Variants in GRIA3 observed in about 807,000 individuals in gnomAD.
GRIA3 encodes the protein glutamate receptor 3.
Under a neutral mutation model 63.0 loss-of-function variants are expected in GRIA3, and 3 were observed. The observed-to-expected ratio is 0.05, with a 90% CI of 0.02 to 0.12. The LOEUF is 0.12. Among genes scored for constraint, GRIA3 ranks in the 10% least tolerant of loss-of-function variants. The pLI is 1.00. For synonymous variants in GRIA3, 274 were observed against 257.9 expected (o/e 1.06, Z -0.60); for missense variants, 347 against 700.9 (o/e 0.50, Z 5.70).
intron 12 of GRIA3, among the ~76,000 whole-genome samples, chrX:123,452,530 A>G (rs1468738395): frequency 2.7e-5 from 3 of 111,409 alleles, no homozygotes; most frequent in Non-Finnish European, 1.9e-5. Context: ...TTCAGGATAG[A>G]TTTTTCTTCT....
chrX:123,455,245 T>C (rs972907880), intron 12 of GRIA3, among the ~76,000 whole-genome samples: 7 of 111,814 alleles, frequency 6.3e-5, no homozygotes, highest in Middle Eastern at 4.6e-3. Context: ...CACAGTCTCA[T>C]GACAGCTGCT....
chrX:123,428,232 A>G, intron 12 of GRIA3, 93 bp downstream of exon 12: 3 of 603,767 alleles, frequency 5.0e-6, no homozygotes, highest in Admixed American at 4.6e-5. Flanking sequence ...GAGAGTTGGG[A>G]AAGAGTGGGA....
At chrX:123,230,267 T>C (rs2044269309) in intron 2 of GRIA3, among the ~76,000 whole-genome samples, 1 of 111,935 alleles carries the variant, frequency 8.9e-6, no homozygotes, top group Non-Finnish European at 1.9e-5. Flanking sequence ...ATCTTCTAAA[T>C]AGTACCCCAT....
At chrX:123,213,532 T>C (rs1401767595) in intron 2 of GRIA3, among the ~76,000 whole-genome samples, 1 of 111,739 alleles carries the variant, frequency 8.9e-6, no homozygotes, top group Non-Finnish European at 1.9e-5. Context: ...ATTCTACAGT[T>C]CACACTCTTT....
intron 3 of GRIA3, among the ~76,000 whole-genome samples, chrX:123,287,461 C>T (rs946337559): frequency 9.0e-6 from 1 of 110,642 alleles, no homozygotes; most frequent in African/African-American, 3.3e-5. Flanking sequence ...TATAGGAAGA[C>T]AGGAAGTCAA....
At chrX:123,305,736 A>G (rs905208801) in intron 3 of GRIA3, among the ~76,000 whole-genome samples, 5 of 112,393 alleles carry the variant, frequency 4.4e-5, no homozygotes, top group Non-Finnish European at 7.5e-5. Context: ...AGTTAAATTC[A>G]TTCCCACAGC....
intron 13 of GRIA3, among the ~76,000 whole-genome samples, chrX:123,477,137 C>G (rs1284654517): frequency 9.0e-6 from 1 of 111,539 alleles, no homozygotes; most frequent in Admixed American, 9.5e-5. Context: ...ACCCCTAGCA[C>G]AAGAATAGCC....
At chrX:123,317,166 G>C (rs1344680053) in intron 3 of GRIA3, among the ~76,000 whole-genome samples, 1 of 111,215 alleles carries the variant, frequency 9.0e-6, no homozygotes, top group Non-Finnish European at 1.9e-5. Context: ...AATAGGATGA[G>C]AAAAACCAGC....
chrX:123,272,804 A>G (rs1478421622), intron 3 of GRIA3, among the ~76,000 whole-genome samples: 2 of 111,765 alleles, frequency 1.8e-5, no homozygotes, highest in Non-Finnish European at 3.8e-5. Context: ...ATGCATATTC[A>G]TGATCTGATA....
chrX:123,463,133 G>C (rs1286613234), intron 12 of GRIA3, among the ~76,000 whole-genome samples: 1 of 111,421 alleles, frequency 9.0e-6, no homozygotes, highest in Non-Finnish European at 1.9e-5. Context: ...ACCTCAACCT[G>C]AGTTGATGGA....
chrX:123,405,611 T>C (rs2045469605), intron 10 of GRIA3, among the ~76,000 whole-genome samples: 1 of 111,790 alleles, frequency 8.9e-6, no homozygotes, highest in African/African-American at 3.2e-5. Flanking sequence ...AAAGTAAGTG[T>C]TGTTCCCTGA....
At chrX:123,189,057 G>A (rs528710267) in intron 2 of GRIA3, among the ~76,000 whole-genome samples, 1 of 111,798 alleles carries the variant, frequency 8.9e-6, no homozygotes, top group South Asian at 3.8e-4. Flanking sequence ...CATGTCCTAC[G>A]AGGCCAATAA....
At chrX:123,472,003 ATATATATATATATATATATG>A (rs1423903785) in intron 13 of GRIA3, among the ~76,000 whole-genome samples, 1 of 66,501 alleles carries the variant, frequency 1.5e-5, no homozygotes, top group Non-Finnish European at 3.0e-5. Context: ...ATATATATAT[ATATATATATATATATATATG>A]ACTATTTGTA....
intron 2 of GRIA3, among the ~76,000 whole-genome samples, chrX:123,214,457 C>A (rs1928110201): frequency 9.0e-6 from 1 of 111,564 alleles, no homozygotes; most frequent in Admixed American, 9.4e-5. Context: ...AGACTTTACC[C>A]TAAATAAGAC....
rs780069057 is a variant in GRIA3 at position 123,349,610 on chromosome X, GC to G, written c.697-5298del. On this transcript the variant is annotated intron_variant, in intron 4 of 15. Transcript: ENST00000620443. ...TTTTCCTTCTTTACAAAAAGCTTCA[GC>G]CTGTCTTTCTCCATCTGTACCACCC... Among the ~76,000 whole-genome samples the G allele has an allele frequency of 2.7e-5, 3 of 112,401 alleles. No individual in the cohort carries two copies. The East Asian group carries it at 8.4e-4, about 31-fold the overall frequency.
At chrX:123,296,557 A>AT (rs770703053) in intron 3 of GRIA3, among the ~76,000 whole-genome samples, 4 of 111,552 alleles carry the variant, frequency 3.6e-5, no homozygotes, top group African/African-American at 1.3e-4. Context: ...TCCCTCAGAA[A>AT]TTACTTTGAC....
chrX:123,424,520 A>C lies in GRIA3; in HGVS notation c.1878-3421A>C, dbSNP rs760913855. Among the ~76,000 whole-genome samples the C allele has an allele frequency of 1.5e-4, 17 of 111,792 alleles. No homozygotes were observed. In the South Asian group the frequency reaches 6.3e-3, roughly 42 times the overall value. On this transcript the variant is annotated intron_variant, in intron 11 of 15. Transcript: ENST00000620443. ...TTGAATGCAAGCTTGTGCATTCCAC[A>C]CTGATTCCACTGAAGCTCCTTTTCT...
At chrX:123,419,800 C>T (rs962866649) in intron 11 of GRIA3, among the ~76,000 whole-genome samples, 18 of 111,415 alleles carry the variant, frequency 1.6e-4, no homozygotes, top group Non-Finnish European at 3.0e-4. Flanking sequence ...TCATCCTAGT[C>T]CTAGGCCTGC....
intron 2 of GRIA3, among the ~76,000 whole-genome samples, chrX:123,245,483 AG>A (rs938532934): frequency 2.7e-5 from 3 of 111,778 alleles, no homozygotes. Flanking sequence ...CCATATTTAA[AG>A]TGAGGAGAAA....
Sources: allele counts gnomAD v4.1 joint callset (sites outside exome capture counted in the v4.1 genomes callset), GRCh38; gene constraint gnomAD v4.1.1; transcripts MANE v1.5; gene names NCBI Gene and HGNC (gene_info 2026-07-23, HGNC 2026-07-21).